NEGR1: variants seen among roughly 807,000 people sequenced by gnomAD.
NEGR1 encodes the protein neuronal growth regulator 1.
In NEGR1, 10 loss-of-function variants were observed where a neutral mutation model predicts 40.9. The observed-to-expected ratio is 0.24, with a 90% CI of 0.15 to 0.42. The LOEUF (loss-of-function observed/expected upper bound fraction) is 0.42, where lower values mean the gene tolerates loss of function less well. Among genes scored for constraint, NEGR1 ranks in the 10% least tolerant of loss-of-function variants. NEGR1 has a pLI of 1.00. For synonymous variants in NEGR1, 185 were observed against 166.8 expected, an observed-to-expected ratio of 1.11 and a Z score of -0.84; for missense variants, 352 against 438.9, an observed-to-expected ratio of 0.80 and a Z score of 1.77.
rs1178215405 is a variant in NEGR1, at chr1:71,762,197, T to C, written c.535+13975A>G. 8.0e-5 allele frequency among the ~76,000 whole-genome samples: 12 copies of C among 149,674 alleles called. No individual in the cohort carries two copies. The Admixed American group carries it at 8.1e-4, about 10-fold the overall frequency. On this transcript the variant is annotated intron_variant, in intron 3 of 6. Coordinates refer to ENST00000357731, the MANE Select transcript of NEGR1 (RefSeq NM_173808.3). ...ATATTCAAAAACTCTGGCAATAAGA[T>C]AGAGTTCTAAAAAATGCTCAGGTAA...
At chr1:71,731,469 A>C (rs1326065816) in intron 3 of NEGR1, among the ~76,000 whole-genome samples, 1 of 152,230 alleles carries the variant, frequency 6.6e-6, no homozygotes. Flanking sequence ...AAAAAGGCAG[A>C]GCCAATGTAA....
At chr1:72,032,599 A>G (rs551627867) in intron 1 of NEGR1, among the ~76,000 whole-genome samples, 1 of 152,166 alleles carries the variant, frequency 6.6e-6, no homozygotes. Context: ...TTCACACTCA[A>G]AATAAAGAAG....
At chr1:71,869,883 CTTTTTT>C (rs140029802) in intron 2 of NEGR1, among the ~76,000 whole-genome samples, 2 of 136,062 alleles carry the variant, frequency 1.5e-5, no homozygotes, top group South Asian at 2.3e-4. Context: ...TTCTTTCTTT[CTTTTTT>C]TTTTTTTTTT....
chr1:72,205,007 A>G (rs528871875), intron 1 of NEGR1, among the ~76,000 whole-genome samples: 38 of 152,110 alleles, frequency 2.5e-4, no homozygotes, highest in Non-Finnish European at 5.3e-4. Flanking sequence ...AGCAAACATG[A>G]AACTTTACTG....
Position 72,014,240 on chromosome 1 carries a change from A to C in NEGR1, c.177-78929T>G, listed in dbSNP as rs1048327206. Among the ~76,000 whole-genome samples, 6 of 151,982 alleles carry C rather than the reference A, an allele frequency of 3.9e-5. No individual in the cohort carries two copies. In the South Asian group the frequency reaches 1.2e-3, roughly 31 times the overall value. ...TTGCCTAGGATATTGCAGTACAAACATTATCTTGATTAATAATCTTATTAT... is the reference window on the plus strand; with the variant it reads ...TTGCCTAGGATATTGCAGTACAAACCTTATCTTGATTAATAATCTTATTAT... On this transcript the variant is annotated intron_variant, in intron 1 of 6. Transcript: ENST00000357731.
At chr1:72,162,986 G>T (rs1264511932) in intron 1 of NEGR1, among the ~76,000 whole-genome samples, 1 of 152,020 alleles carries the variant, frequency 6.6e-6, no homozygotes, top group African/African-American at 2.4e-5. Flanking sequence ...ATTTTCTAGG[G>T]ATGTTACAGA....
At chr1:72,052,736 CA>C (rs1318616672) in intron 1 of NEGR1, among the ~76,000 whole-genome samples, 2 of 151,378 alleles carry the variant, frequency 1.3e-5, no homozygotes, top group African/African-American at 4.8e-5. Flanking sequence ...TTAACTTTTG[CA>C]TAAAAATAGT....
intron 5 of NEGR1, 152 bp from the exon 6 acceptor site, chr1:71,593,120 T>G (rs2101521775): frequency 1.8e-6 from 1 of 544,026 alleles, no homozygotes; most frequent in Middle Eastern, 5.0e-4. Flanking sequence ...ACATTTCACT[T>G]ACATTAGTAG....
chr1:71,851,264 C>T (rs940876422), intron 2 of NEGR1, among the ~76,000 whole-genome samples: 2 of 152,082 alleles, frequency 1.3e-5, no homozygotes, highest in African/African-American at 4.8e-5. Context: ...TGGTTTATTT[C>T]CTAACCAGAT....
At chr1:71,765,564 C>T (rs1247000190) in intron 3 of NEGR1, among the ~76,000 whole-genome samples, 2 of 151,922 alleles carry the variant, frequency 1.3e-5, no homozygotes, top group East Asian at 3.9e-4. Flanking sequence ...ACTTTTGCAC[C>T]AATCTAATAT....
Position 71,675,126 on chromosome 1 carries a change from T to TATATATATATATATATATATATAC in NEGR1, c.667+22881_667+22882insGTATATATATATATATATATATAT, listed in dbSNP as rs145354058. 1.3e-3 allele frequency among the ~76,000 whole-genome samples: 105 copies of TATATATATATATATATATATATAC among 77,812 alleles called. 1 individual carries two copies. Among genetic ancestry groups the TATATATATATATATATATATATAC allele is most frequent in the African/African-American group, 2.9e-3 (70 of 24,318 alleles). 51.0% of individuals were successfully genotyped at this position (77,812 alleles called of 152,430 possible). ...GCATGTTTATTCATATATATATATA[T>TATATATATATATATATATATATAC]ACACACACACATATGAATTCTTAGA... On this transcript the variant is annotated intron_variant, in intron 4 of 6. Transcript: ENST00000357731.
chr1:71,760,271 A>T (rs1655897533), intron 3 of NEGR1, among the ~76,000 whole-genome samples: 1 of 152,164 alleles, frequency 6.6e-6, no homozygotes, highest in Non-Finnish European at 1.5e-5. Flanking sequence ...TCATATCAAG[A>T]GGCCCATTGT....
At chr1:71,937,277 C>T (rs1409907961) in intron 1 of NEGR1, among the ~76,000 whole-genome samples, 1 of 152,088 alleles carries the variant, frequency 6.6e-6, no homozygotes, top group Non-Finnish European at 1.5e-5. Flanking sequence ...TAAATAATTC[C>T]AGCATATTGT....
At chr1:72,065,325 C>T (rs1371278610) in intron 1 of NEGR1, among the ~76,000 whole-genome samples, 1 of 152,044 alleles carries the variant, frequency 6.6e-6, no homozygotes, top group African/African-American at 2.4e-5. Context: ...GAAATCCTTC[C>T]TCTACTGCCC....
chr1:72,026,148 A>G (rs975767943), intron 1 of NEGR1, among the ~76,000 whole-genome samples: 12 of 148,640 alleles, frequency 8.1e-5, no homozygotes, highest in African/African-American at 1.7e-4. Flanking sequence ...AAAAAATGAC[A>G]TAATTAAAGC....
chr1:71,672,167 G>T (rs1652458591), intron 4 of NEGR1, among the ~76,000 whole-genome samples: 1 of 151,932 alleles, frequency 6.6e-6, no homozygotes. Context: ...GTTCATTATT[G>T]GTTTCTGGAT....
At chr1:71,884,518 C>A (rs973774854) in intron 2 of NEGR1, among the ~76,000 whole-genome samples, 8 of 152,146 alleles carry the variant, frequency 5.3e-5, no homozygotes, top group African/African-American at 1.9e-4. Flanking sequence ...ATTAAAATTA[C>A]AGAATTTGAA....
At chr1:71,732,407 A>T (rs1654907268) in intron 3 of NEGR1, among the ~76,000 whole-genome samples, 1 of 152,098 alleles carries the variant, frequency 6.6e-6, no homozygotes, top group South Asian at 2.1e-4. Flanking sequence ...TCTATCATGG[A>T]CCCAGTCTCA....
At chr1:71,618,073 T>C (rs969629853) in intron 4 of NEGR1, among the ~76,000 whole-genome samples, 1 of 152,164 alleles carries the variant, frequency 6.6e-6, no homozygotes, top group African/African-American at 2.4e-5. Flanking sequence ...ACTGGAATTA[T>C]GGGGGCGAAA....
Sources: allele counts gnomAD v4.1 joint callset (sites outside exome capture counted in the v4.1 genomes callset), GRCh38; gene constraint gnomAD v4.1.1; transcripts MANE v1.5; gene names NCBI Gene and HGNC (gene_info 2026-07-23, HGNC 2026-07-21).